LYST: variants seen among roughly 807,000 people sequenced by gnomAD.
LYST encodes the protein lysosomal trafficking regulator.
In LYST, 192 loss-of-function variants were observed where a neutral mutation model predicts 413.6. The observed-to-expected ratio is 0.46, with a 90% CI of 0.41 to 0.52. The LOEUF is 0.52. Ranked by LOEUF, LYST falls within the 20% of genes least tolerant of loss-of-function variation. The probability of loss-of-function intolerance (pLI) is 0.00; values close to 1 mark genes in which losing one functional copy is unlikely to be tolerated. For synonymous variants in LYST, 1,525 were observed against 1,567.3 expected (o/e 0.97, Z 0.64); for missense variants, 3,815 against 4,499.9 (o/e 0.85, Z 4.35).
chr1:235,722,838 A>C (rs1663504376), intron 39 of LYST, among the ~76,000 whole-genome samples: 1 of 152,246 alleles, frequency 6.6e-6, no homozygotes, highest in South Asian at 2.1e-4. Flanking sequence ...AGAATTTAAC[A>C]CAATTTTGGA....
intron 14 of LYST, among the ~76,000 whole-genome samples, chr1:235,784,272 C>T (rs1484700037): frequency 6.6e-6 from 1 of 152,214 alleles, no homozygotes; most frequent in East Asian, 1.9e-4. Context: ...GTCACTTGCT[C>T]TGTTAACCAA....
chr1:235,667,452 G>C (rs1036444229), intron 50 of LYST, among the ~76,000 whole-genome samples: 2 of 152,126 alleles, frequency 1.3e-5, no homozygotes, highest in African/African-American at 4.8e-5. Flanking sequence ...CCCATCATAA[G>C]AACTGAGAAA....
chr1:235,734,671 G>A lies in LYST; in HGVS notation c.8359-12C>T, dbSNP rs1393817039. On this transcript the variant is annotated splice_polypyrimidine_tract_variant and intron_variant, in intron 31 of 52. Coordinates refer to ENST00000389793, the MANE Select transcript of LYST (RefSeq NM_000081.4). ...AACTTGGCTCCATGCTTTAAAAAAA[G>A]TAATAATTTTTTAGTCATTTAGAAT... 6.3e-7 allele frequency: 1 copy of A among 1,577,552 alleles called. No individual in the cohort carries two copies. The highest frequency in any genetic ancestry group is 8.7e-7 in the Non-Finnish European group (1 of 1,152,452).
intron 41 of LYST, 40 bp downstream of exon 41, chr1:235,716,672 A>C: frequency 7.5e-7 from 1 of 1,337,998 alleles, no homozygotes; most frequent in Non-Finnish European, 1.1e-6. Context: ...ACAAAACACA[A>C]TTTTTCATTT....
Position 235,687,000 on chromosome 1 carries a change from T to C in LYST, c.10749A>G (p.Gly3583=). 6.2e-7 allele frequency: 1 copy of C among 1,614,128 alleles called. No individual in the cohort carries two copies. The highest frequency in any genetic ancestry group is 8.5e-7 in the Non-Finnish European group (1 of 1,180,006). ...AGGCTGTGATGACACCGCATTTGCT[T>C]CCAGTAAACAGCTGGCAACTGTCAG... ...WVPDSCQLFT[G]SKCGVITAYT... is the part of the protein sequence containing the mutation. The change falls in exon 48 of 53, where the codon GGA becomes GGG. Residue 3583 remains glycine (G), a synonymous_variant. Coordinates refer to ENST00000389793, the MANE Select transcript of LYST (RefSeq NM_000081.4). The surrounding 1 kb of genome is among the most constrained non-coding windows in gnomAD (Gnocchi z 4.0).
At chr1:235,882,725 CAGTGAGG>C (rs1248486724) in intron 1 of LYST, among the ~76,000 whole-genome samples, 3 of 152,028 alleles carry the variant, frequency 2.0e-5, no homozygotes, top group Admixed American at 2.0e-4. Flanking sequence ...GGAGGGCTAG[CAGTGAGG>C]AGTGAGAAGG....
chr1:235,715,100 A>T, intron 42 of LYST, 101 bp downstream of exon 42: 1 of 1,045,612 alleles, frequency 9.6e-7, no homozygotes, highest in Non-Finnish European at 1.5e-6. Flanking sequence ...TAGTTTGATT[A>T]GTCTTAATAG....
chr1:235,842,391 G>A (rs558162616), intron 1 of LYST, among the ~76,000 whole-genome samples: 1 of 152,186 alleles, frequency 6.6e-6, no homozygotes, highest in African/African-American at 2.4e-5. Context: ...GTGTGGCCCT[G>A]CAAGCAGATG....
chr1:235,881,520 A>C (rs1681374710), intron 1 of LYST, among the ~76,000 whole-genome samples: 1 of 152,224 alleles, frequency 6.6e-6, no homozygotes, highest in Admixed American at 6.5e-5. Context: ...ATATTGGTAC[A>C]CCCATGTTCA....
chr1:235,679,984 G>T (rs1010592288), intron 48 of LYST, among the ~76,000 whole-genome samples: 4 of 143,358 alleles, frequency 2.8e-5, no homozygotes, highest in African/African-American at 1.0e-4. Flanking sequence ...TGCTTTTAAG[G>T]CTCTCTCTCT....
At chr1:235,807,293 T>C (rs750905004) in intron 5 of LYST, among the ~76,000 whole-genome samples, 3 of 152,230 alleles carry the variant, frequency 2.0e-5, no homozygotes, top group African/African-American at 4.8e-5. Context: ...TCCCTTCTAA[T>C]TGGGCTAATT....
intron 1 of LYST, among the ~76,000 whole-genome samples, chr1:235,877,126 T>A (rs993059143): frequency 1.9e-4 from 29 of 152,188 alleles, no homozygotes; most frequent in Non-Finnish European, 4.1e-4. Context: ...AAAATGTCTG[T>A]GGGATCCCTG....
In LYST at chr1:235,776,974, T is replaced by C. The variant is rs1669319637; in HGVS notation, c.5460+89A>G. The C allele has an allele frequency of 5.0e-6, 6 of 1,202,156 alleles. No homozygotes were observed. In the East Asian group the frequency reaches 1.2e-4, roughly 25 times the overall value. 74.5% of individuals were successfully genotyped at this position (1,202,156 alleles called of 1,614,324 possible). On this transcript the variant is annotated intron_variant, in intron 17 of 52. Coordinates refer to ENST00000389793, the MANE Select transcript of LYST (RefSeq NM_000081.4). Reference sequence around the variant, plus strand: ...AAGTTTAATATAGTCGAGTGTAGCTTTTTCGTGTGGTCCAAAAGAAATCCT... The same window carrying C: ...AAGTTTAATATAGTCGAGTGTAGCTCTTTCGTGTGGTCCAAAAGAAATCCT...
intron 26 of LYST, 104 bp downstream of exon 26, chr1:235,752,940 C>T: frequency 1.5e-6 from 1 of 649,616 alleles, no homozygotes; most frequent in Non-Finnish European, 2.8e-6. Context: ...CACAGAAAGG[C>T]TTCTTACATA....
chr1:235,747,147 GC>G, intron 28 of LYST: 1 of 371,902 alleles, frequency 2.7e-6, no homozygotes, highest in South Asian at 2.0e-5. Flanking sequence ...GAGAGGAGTG[GC>G]ATTCCTGCAC....
rs752946998 is a variant in LYST, at chr1:235,808,735, C to A, written c.2083G>T (p.Ala695Ser). 6.2e-7 allele frequency: 1 copy of A among 1,613,966 alleles called. No homozygotes were observed. The highest frequency in any genetic ancestry group is 8.5e-7 in the Non-Finnish European group (1 of 1,179,978). Residue 695 changes from alanine (A) to serine (S), a missense_variant, in exon 5 of 53, where the codon GCT (alanine) becomes TCT (serine). Ala to Ser is a moderately conservative substitution (Grantham distance 99). Around this residue, in one of 4 missense-constraint regions of LYST, gnomAD observed 1,648 missense variants for 1,810.3 expected, o/e 0.91. Coordinates refer to ENST00000389793, the MANE Select transcript of LYST (RefSeq NM_000081.4). Reference protein sequence around the residue: ...DLLWKWDALKAYQNFVFEEDR... With the variant: ...DLLWKWDALKSYQNFVFEEDR... ...TCTTCAAAAACAAAGTTCTGATAAG[C>A]CTTTAAAGCATCCCATTTCCACAAC...
intron 31 of LYST, chr1:235,738,413 C>A: frequency 6.2e-7 from 1 of 1,613,392 alleles, no homozygotes; most frequent in Non-Finnish European, 8.5e-7. Flanking sequence ...TGTTTCAAAT[C>A]CAGTGGATAT....
At chr1:235,702,153 A>G (rs1661601099) in intron 45 of LYST, among the ~76,000 whole-genome samples, 1 of 152,202 alleles carries the variant, frequency 6.6e-6, no homozygotes, top group Non-Finnish European at 1.5e-5. Context: ...TTTTATAACG[A>G]AGAATTGAGT....
chr1:235,670,685 T>C (rs1232871574), intron 50 of LYST, among the ~76,000 whole-genome samples: 1 of 152,182 alleles, frequency 6.6e-6, no homozygotes, highest in African/African-American at 2.4e-5. Context: ...AAGTACTTCT[T>C]TGGTGGTTGG....
Sources: gnomAD v4.1 joint callset for allele counts (sites outside exome capture counted in the v4.1 genomes callset) on GRCh38, gnomAD v4.1.1 for gene constraint, gnomAD v4.1.1 regional missense constraint, Gnocchi (gnomAD v3.1) non-coding constraint, MANE v1.5 for transcripts, NCBI Gene and HGNC (gene_info 2026-07-23, HGNC 2026-07-21) for gene names.